Variants in RBM27 observed in about 807,000 individuals in gnomAD.
RBM27 encodes the protein RNA binding motif protein 27, also known as RNA-binding protein 27.
In RBM27, 22 loss-of-function variants were observed where a neutral mutation model predicts 135.3. The ratio of observed to expected loss-of-function variants is 0.16; its 90% CI spans 0.12 to 0.23. The LOEUF is 0.23. Ranked by LOEUF, RBM27 falls within the 10% of genes least tolerant of loss-of-function variation. The pLI is 1.00. For missense variants in RBM27, 1,009 were observed against 1,281.0 expected, an observed-to-expected ratio of 0.79 and a Z score of 3.24; for synonymous variants, 481 against 442.4, an observed-to-expected ratio of 1.09 and a Z score of -1.10.
At chr5:146,284,599 T>C in intron 19 of RBM27, 23 bp from the exon 20 acceptor site, 6 of 1,462,584 alleles carry the variant, frequency 4.1e-6, no homozygotes, top group Non-Finnish European at 5.7e-6. Context: ...CAAACTTGTA[T>C]GTTCTTCTAA....
At chr5:146,211,480 TTTTTTTTTTTTTTTAC>T in intron 1 of RBM27, among the ~76,000 whole-genome samples, 1 of 135,458 alleles carries the variant, frequency 7.4e-6, no homozygotes, top group Non-Finnish European at 1.6e-5. Flanking sequence ...TTTTTTTTTT[TTTTTTTTTTTTTTTAC>T]TTTGAGAGGA....
rs1468854642 is a variant in RBM27, at chr5:146,220,490, ATAT to A, written c.178+1388_178+1390del. ...AGTCCATCTCAAAAAAAAAAAAAAA[ATAT>A]ATATATATATATATATGTATGTATA... is the stretch of plus-strand genomic sequence containing the variant. On this transcript the variant is annotated intron_variant, in intron 2 of 20. Coordinates refer to ENST00000265271, the MANE Select transcript of RBM27 (RefSeq NM_018989.2). Among the ~76,000 whole-genome samples, 470 of 84,054 alleles carry A rather than the reference ATAT, an allele frequency of 5.6e-3. 5 individuals carry two copies. The highest frequency in any genetic ancestry group is 0.016 in the East Asian group (37 of 2,300). The allele number at this position is 84,054 out of a possible 152,430, so 55.1% of individuals were successfully genotyped here.
intron 1 of RBM27, among the ~76,000 whole-genome samples, chr5:146,208,080 C>T (rs1487209885): frequency 6.6e-6 from 1 of 151,344 alleles, no homozygotes; most frequent in Non-Finnish European, 1.5e-5. Context: ...CCTCAGCCTC[C>T]TGAGTAGCTG....
intron 8 of RBM27, among the ~76,000 whole-genome samples, chr5:146,249,784 A>C (rs1757803913): frequency 6.6e-6 from 1 of 151,540 alleles, no homozygotes; most frequent in Non-Finnish European, 1.5e-5. Context: ...TTTTAAATGT[A>C]CTTTTTTTTC....
At chr5:146,227,081 G>A (rs1204115988) in intron 3 of RBM27, among the ~76,000 whole-genome samples, 1 of 152,054 alleles carries the variant, frequency 6.6e-6, no homozygotes, top group Non-Finnish European at 1.5e-5. Context: ...CTTGGTCTTC[G>A]GCTACATTGG....
At position 146,267,603 on chromosome 5, in the gene RBM27, ATATAAT is replaced by A. The variant is rs757888438; in HGVS notation, c.2332-41_2332-36del. 51 of 1,217,540 alleles carry A rather than the reference ATATAAT, an allele frequency of 4.2e-5. No homozygotes were observed. In the African/African-American group the frequency reaches 6.6e-4, roughly 16 times the overall value. The allele number at this position is 1,217,540 out of a possible 1,614,324, so 75.4% of individuals were successfully genotyped here. On this transcript the variant is annotated intron_variant, in intron 14 of 20. Coordinates refer to ENST00000265271, the MANE Select transcript of RBM27 (RefSeq NM_018989.2). ...AAAAAGTATTCTAAGCATTTCTAAG[ATATAAT>A]TATATTTGTGTGTGCTTTTTTTTTT...
intron 1 of RBM27, among the ~76,000 whole-genome samples, chr5:146,213,511 A>G (rs1756060437): frequency 6.6e-6 from 1 of 152,142 alleles, no homozygotes; most frequent in African/African-American, 2.4e-5. Context: ...TGAAAGAAAG[A>G]GCACATTAAG....
At chr5:146,232,895 C>T (rs1369612336) in intron 6 of RBM27, among the ~76,000 whole-genome samples, 2 of 152,114 alleles carry the variant, frequency 1.3e-5, no homozygotes, top group Non-Finnish European at 2.9e-5. Context: ...TATGTACAAA[C>T]GTGTTTAACT....
intron 8 of RBM27, among the ~76,000 whole-genome samples, chr5:146,251,394 G>A (rs1757877926): frequency 6.6e-6 from 1 of 152,104 alleles, no homozygotes; most frequent in African/African-American, 2.4e-5. Context: ...GGGCTCCTTT[G>A]TCTAATAACC....
chr5:146,230,024 A>AT, intron 5 of RBM27, 114 bp downstream of exon 5: 1 of 1,248,516 alleles, frequency 8.0e-7, no homozygotes, highest in Non-Finnish European at 1.1e-6. Flanking sequence ...CAGTGTAAAA[A>AT]CTGGAATTGT....
intron 14 of RBM27, among the ~76,000 whole-genome samples, chr5:146,265,665 T>G (rs1186687144): frequency 6.6e-6 from 1 of 152,204 alleles, no homozygotes; most frequent in Non-Finnish European, 1.5e-5. Context: ...TGATGATGTA[T>G]TCCTAATGTG....
chr5:146,204,460 C>G (rs1444771288), intron 1 of RBM27, among the ~76,000 whole-genome samples: 3 of 152,026 alleles, frequency 2.0e-5, no homozygotes, highest in African/African-American at 7.3e-5. Flanking sequence ...AGTGTGATAG[C>G]AAGGATATTA....
Position 146,261,737 on chromosome 5 carries a change from G to A in RBM27, c.2121G>A (p.Gln707=), listed in dbSNP as rs747277880. 5.0e-6 allele frequency: 8 copies of A among 1,614,176 alleles called. No homozygotes were observed. In the Admixed American group the frequency reaches 1.3e-4, roughly 27 times the overall value. Residue 707 remains glutamine, a synonymous_variant, in exon 13 of 21, where the codon CAG becomes CAA. Transcript: ENST00000265271. ...CACAGCAGCACCATCACCTGCCACA[G>A]CATCTACATCAGCAGCAGGTGCTAG... ...HLSQQHHHLP[Q]HLHQQQVLVA... is the part of the protein sequence containing the mutation.
chr5:146,285,903 C>A (rs768387198), intron 20 of RBM27, 44 bp from the exon 21 acceptor site: 1 of 1,454,580 alleles, frequency 6.9e-7, no homozygotes, highest in African/African-American at 1.4e-5. Flanking sequence ...ATTTTACTTA[C>A]CATTCTTGTG....
At chr5:146,261,210 C>T (rs940577278) in intron 12 of RBM27, among the ~76,000 whole-genome samples, 15 of 152,176 alleles carry the variant, frequency 9.9e-5, no homozygotes, top group African/African-American at 2.9e-4. Context: ...CTGTCTTCCT[C>T]GCTTGCAGAT....
chr5:146,206,120 G>GA (rs1015194156), intron 1 of RBM27, among the ~76,000 whole-genome samples: 82 of 152,216 alleles, frequency 5.4e-4, no homozygotes, highest in African/African-American at 2.0e-3. Flanking sequence ...GATGCCTTTA[G>GA]AAAAAACAAC....
In RBM27 at chr5:146,261,653, G is replaced by T. The variant is rs778707137; in HGVS notation, c.2037G>T (p.Pro679=). ...VLWHRENNEQ[P]TLQSSAQLLL... The stretch of plus-strand genomic sequence containing the variant: ...GGCATAGGGAAAATAATGAGCAACC[G>T]ACACTACAGTCCTCAGCACAGCTGC... The change falls in exon 13 of 21, where the codon CCG becomes CCT. Residue 679 remains proline (P), a synonymous_variant. Transcript: ENST00000265271. The T allele has an allele frequency of 3.1e-6, 5 of 1,614,070 alleles. No individual in the cohort carries two copies. The highest frequency in any genetic ancestry group is 1.3e-5 in the African/African-American group (1 of 74,988).
rs1756902158 is a variant in RBM27 at position 146,230,897 on chromosome 5, G to A, written c.830G>A (p.Arg277Lys). 1.2e-6 allele frequency: 2 copies of A among 1,614,074 alleles called. No homozygotes were observed. Among genetic ancestry groups the A allele is most frequent in the African/African-American group, 2.7e-5 (2 of 74,928 alleles). Residue 277 changes from arginine (R) to lysine (K), a missense_variant, in exon 6 of 21, where the codon AGG (arginine) becomes AAG (lysine). Around this residue, in one of 6 missense-constraint regions of RBM27, gnomAD observed 16 missense variants for 46.1 expected, o/e 0.35. Transcript: ENST00000265271. ...NSFGRNLPPK[R>K]RCRDYDERGF... ...TTTGGTCGAAACCTACCACCAAAGA[G>A]GCGATGCAGAGATTATGATGGTAAA...
At chr5:146,278,172 T>G (rs552829327) in intron 19 of RBM27, among the ~76,000 whole-genome samples, 2 of 152,324 alleles carry the variant, frequency 1.3e-5, no homozygotes, top group East Asian at 3.9e-4. Flanking sequence ...GTCAGTTGAT[T>G]GATACATGAT....
Sources: gnomAD v4.1 joint callset for allele counts (sites outside exome capture counted in the v4.1 genomes callset) on GRCh38, gnomAD v4.1.1 for gene constraint, gnomAD v4.1.1 regional missense constraint, MANE v1.5 for transcripts, NCBI Gene and HGNC (gene_info 2026-07-23, HGNC 2026-07-21) for gene names.